MACROD2: variants seen among roughly 807,000 people sequenced by gnomAD.
The protein encoded by MACROD2 is ADP-ribose glycohydrolase MACROD2.
A neutral mutation model predicts 70.4 loss-of-function variants in MACROD2; 36 were observed. That is an observed-to-expected ratio of 0.51 (90% CI 0.39 to 0.68). The LOEUF (loss-of-function observed/expected upper bound fraction) is 0.68, where lower values mean the gene tolerates loss of function less well. Ranked by LOEUF, MACROD2 falls within the 30% of genes least tolerant of loss-of-function variation. The pLI is 0.00. For missense variants in MACROD2, 496 were observed against 538.4 expected, an observed-to-expected ratio of 0.92 and a Z score of 0.78; for synonymous variants, 172 against 178.8, an observed-to-expected ratio of 0.96 and a Z score of 0.30.
chr20:14,974,087 T>C (rs896902085), intron 5 of MACROD2, among the ~76,000 whole-genome samples: 2 of 152,162 alleles, frequency 1.3e-5, no homozygotes, highest in African/African-American at 4.8e-5. Context: ...AAATAACAGA[T>C]TGAACTAATG....
At chr20:14,670,585 A>G (rs1391448649) in intron 4 of MACROD2, among the ~76,000 whole-genome samples, 1 of 152,200 alleles carries the variant, frequency 6.6e-6, no homozygotes, top group African/African-American at 2.4e-5. Flanking sequence ...CCAGAATGTC[A>G]AGGAATATGT....
chr20:15,678,535 A>G (rs961891793), intron 8 of MACROD2, among the ~76,000 whole-genome samples: 1 of 151,948 alleles, frequency 6.6e-6, no homozygotes, highest in Non-Finnish European at 1.5e-5. Context: ...AATTTTTTGT[A>G]TTTTTAGTAG....
chr20:14,425,165 G>A (rs764642717), intron 3 of MACROD2, among the ~76,000 whole-genome samples: 20 of 152,242 alleles, frequency 1.3e-4, no homozygotes, highest in Non-Finnish European at 1.5e-4. Flanking sequence ...CTTTCACCCA[G>A]TGTTAGCTTA....
intron 5 of MACROD2, among the ~76,000 whole-genome samples, chr20:14,926,164 G>A (rs990021434): frequency 1.9e-5 from 2 of 106,802 alleles, no homozygotes; most frequent in African/African-American, 6.5e-5. Context: ...TAAATGCAGA[G>A]TTTGTTTGTT....
At position 15,208,466 on chromosome 20, in the gene MACROD2, G is replaced by A. The variant is rs2076730742; in HGVS notation, c.419-21474G>A. ...CAAGTTGAGATTTTCCTGGTTCTTGGTATAATGAGTGATTTTATATAATAC... is the reference window on the plus strand; with the variant it reads ...CAAGTTGAGATTTTCCTGGTTCTTGATATAATGAGTGATTTTATATAATAC... On this transcript the variant is annotated intron_variant, in intron 5 of 17. Coordinates refer to ENST00000684519, the MANE Select transcript of MACROD2 (RefSeq NM_001351661.2). Among the ~76,000 whole-genome samples, 6 of 152,074 alleles carry A rather than the reference G, an allele frequency of 3.9e-5. No individual in the cohort carries two copies. In the South Asian group the frequency reaches 1.0e-3, roughly 26 times the overall value.
At chr20:15,383,354 A>G (rs1055064344) in intron 6 of MACROD2, among the ~76,000 whole-genome samples, 3 of 152,190 alleles carry the variant, frequency 2.0e-5, no homozygotes, top group Non-Finnish European at 4.4e-5. Flanking sequence ...TGCATTTTCA[A>G]TCCTTACAGC....
intron 2 of MACROD2, among the ~76,000 whole-genome samples, chr20:14,056,242 A>G (rs1418750457): frequency 1.3e-5 from 2 of 152,034 alleles, no homozygotes; most frequent in East Asian, 3.9e-4. Context: ...TTTGACTTCC[A>G]TATGTGACAA....
At chr20:15,991,391 A>G (rs547659516) in intron 15 of MACROD2, among the ~76,000 whole-genome samples, 25 of 152,322 alleles carry the variant, frequency 1.6e-4, no homozygotes, top group African/African-American at 5.3e-4. Flanking sequence ...CATTTCTCAT[A>G]GGATTCTTAC....
At chr20:14,825,082 C>T (rs1225477932) in intron 5 of MACROD2, among the ~76,000 whole-genome samples, 1 of 152,096 alleles carries the variant, frequency 6.6e-6, no homozygotes, top group Non-Finnish European at 1.5e-5. Context: ...CCTTTTTAAC[C>T]ACATGGTCCA....
chr20:14,700,496 G>T (rs2071182789), intron 5 of MACROD2, among the ~76,000 whole-genome samples: 1 of 150,174 alleles, frequency 6.7e-6, no homozygotes, highest in African/African-American at 2.5e-5. Flanking sequence ...GAGTAAGCTT[G>T]TTCTTTGACA....
At chr20:14,763,619 G>A (rs528523308) in intron 5 of MACROD2, among the ~76,000 whole-genome samples, 1 of 152,250 alleles carries the variant, frequency 6.6e-6, no homozygotes, top group East Asian at 1.9e-4. Flanking sequence ...CTTAGTCACT[G>A]ATGGGATTTA....
chr20:14,789,357 G>A (rs1417214209), intron 5 of MACROD2, among the ~76,000 whole-genome samples: 1 of 149,190 alleles, frequency 6.7e-6, no homozygotes, highest in Non-Finnish European at 1.5e-5. Flanking sequence ...AGATCATTTT[G>A]CAGCCTTTCT....
chr20:15,423,839 A>G (rs916472452), intron 6 of MACROD2, among the ~76,000 whole-genome samples: 1 of 151,884 alleles, frequency 6.6e-6, no homozygotes, highest in African/African-American at 2.4e-5. Context: ...TCGGTTCGGG[A>G]TGCATAACAA....
intron 3 of MACROD2, among the ~76,000 whole-genome samples, chr20:14,334,519 G>A (rs746230416): frequency 5.9e-5 from 9 of 152,164 alleles, no homozygotes; most frequent in African/African-American, 1.4e-4. Flanking sequence ...TTGCCCACTG[G>A]GGGGTGGTAC....
chr20:15,390,837 T>G (rs1273324007), intron 6 of MACROD2, among the ~76,000 whole-genome samples: 1 of 152,222 alleles, frequency 6.6e-6, no homozygotes, highest in Non-Finnish European at 1.5e-5. Context: ...ATAAATTCAG[T>G]TTTTTTGCAA....
At chr20:14,293,604 G>A (rs1215767115) in intron 3 of MACROD2, among the ~76,000 whole-genome samples, 1 of 151,852 alleles carries the variant, frequency 6.6e-6, no homozygotes, top group Non-Finnish European at 1.5e-5. Context: ...AGTTCAGAGA[G>A]GTGAGCAGGG....
chr20:15,134,828 A>C (rs1201510810), intron 5 of MACROD2, among the ~76,000 whole-genome samples: 8 of 152,290 alleles, frequency 5.3e-5, no homozygotes, highest in South Asian at 4.2e-4. Flanking sequence ...TAGCAAGACT[A>C]ATAAAAAAAG....
intron 3 of MACROD2, among the ~76,000 whole-genome samples, chr20:14,249,106 A>G (rs963909289): frequency 9.5e-6 from 1 of 105,368 alleles, no homozygotes; most frequent in Non-Finnish European, 2.0e-5. Flanking sequence ...TTTTTAGGGT[A>G]TTCTTTTCTA....
chr20:14,693,358 G>T (rs182993748), intron 5 of MACROD2, among the ~76,000 whole-genome samples: 28 of 152,302 alleles, frequency 1.8e-4, no homozygotes, highest in Admixed American at 1.6e-3. Context: ...GATGCCCTGA[G>T]GTCAGGCACA....
Sources: allele counts gnomAD v4.1 joint callset (sites outside exome capture counted in the v4.1 genomes callset), GRCh38; gene constraint gnomAD v4.1.1; transcripts MANE v1.5; gene names NCBI Gene and HGNC (gene_info 2026-07-23, HGNC 2026-07-21).